CDH2: variants seen among roughly 807,000 people sequenced by gnomAD.
CDH2 encodes the protein cadherin-2.
In CDH2, 17 loss-of-function variants were observed where a neutral mutation model predicts 92.0. The ratio of observed to expected loss-of-function variants is 0.18; its 90% CI spans 0.13 to 0.28. The LOEUF (loss-of-function observed/expected upper bound fraction) is 0.28. Ranked by LOEUF, CDH2 falls within the 10% of genes least tolerant of loss-of-function variation. The probability of loss-of-function intolerance (pLI) is 1.00; values close to 1 mark genes in which losing one functional copy is unlikely to be tolerated. For synonymous variants in CDH2, 419 were observed against 415.9 expected (o/e 1.01, Z -0.09); for missense variants, 862 against 1,133.1 (o/e 0.76, Z 3.44).
chr18:28,023,250 A>G (rs1159381400), intron 2 of CDH2, among the ~76,000 whole-genome samples: 1 of 152,200 alleles, frequency 6.6e-6, no homozygotes, highest in Non-Finnish European at 1.5e-5. Flanking sequence ...TGATGTTTAC[A>G]CCTTCATATC....
intron 15 of CDH2, among the ~76,000 whole-genome samples, chr18:27,952,943 T>C (rs945673399): frequency 2.0e-5 from 3 of 152,098 alleles, no homozygotes; most frequent in Admixed American, 2.0e-4. Context: ...AAAGAGAAAG[T>C]AGCATTGTAT....
chr18:27,984,936 T>TGAC, intron 13 of CDH2, 64 bp downstream of exon 13: 1 of 1,311,326 alleles, frequency 7.6e-7, no homozygotes, highest in Non-Finnish European at 1.1e-6. Context: ...TAGCAACACA[T>TGAC]GACTTTGCTG....
At chr18:27,987,555 CCTG>C (rs1258924145) in intron 11 of CDH2, among the ~76,000 whole-genome samples, 2 of 152,062 alleles carry the variant, frequency 1.3e-5, no homozygotes, top group South Asian at 2.1e-4. Context: ...CAAATTGAAG[CCTG>C]CTATTTTTTA....
chr18:28,054,736 T>C (rs1362232368), intron 2 of CDH2, among the ~76,000 whole-genome samples: 1 of 152,228 alleles, frequency 6.6e-6, no homozygotes, highest in South Asian at 2.1e-4. Flanking sequence ...ATTAGCACTC[T>C]GTTTGTTTTT....
chr18:28,147,505 T>A (rs150003846), intron 2 of CDH2, among the ~76,000 whole-genome samples, 168 bp downstream of exon 2: 1 of 152,254 alleles, frequency 6.6e-6, no homozygotes, highest in Non-Finnish European at 1.5e-5. Flanking sequence ...ATATAAGAGA[T>A]TCATAAGCTC....
At chr18:27,966,332 T>C (rs1459602490) in intron 14 of CDH2, among the ~76,000 whole-genome samples, 1 of 152,204 alleles carries the variant, frequency 6.6e-6, no homozygotes, top group African/African-American at 2.4e-5. Flanking sequence ...TTGATACTCC[T>C]GGATATATTA....
intron 14 of CDH2, among the ~76,000 whole-genome samples, chr18:27,970,970 GCTTAC>G (rs1345229187): frequency 6.6e-6 from 1 of 152,188 alleles, no homozygotes; most frequent in East Asian, 1.9e-4. Context: ...GGGCGCGGTG[GCTTAC>G]GCCTGTAATC....
intron 11 of CDH2, among the ~76,000 whole-genome samples, chr18:27,986,702 TA>T (rs1296878727): frequency 3.9e-5 from 6 of 152,076 alleles, no homozygotes; most frequent in Admixed American, 3.9e-4. Flanking sequence ...GGGGAGGGAA[TA>T]AGGAGGAATG....
intron 8 of CDH2, 112 bp from the exon 9 acceptor site, chr18:27,992,952 C>T: frequency 1.5e-6 from 1 of 645,396 alleles, no homozygotes; most frequent in South Asian, 2.5e-5. Flanking sequence ...TTATTATCTA[C>T]ACTAAATGAG....
At chr18:28,163,012 G>T (rs994207281) in intron 1 of CDH2, among the ~76,000 whole-genome samples, 1 of 152,166 alleles carries the variant, frequency 6.6e-6, no homozygotes, top group Non-Finnish European at 1.5e-5. Context: ...GACTGAAAAT[G>T]TTAGGTGAAG....
chr18:28,108,190 C>G (rs2015353925), intron 2 of CDH2, among the ~76,000 whole-genome samples: 1 of 152,076 alleles, frequency 6.6e-6, no homozygotes, highest in South Asian at 2.1e-4. Flanking sequence ...ATGGAAACCC[C>G]TGGGAAGATA....
chr18:28,114,502 T>A (rs2015463882), intron 2 of CDH2, among the ~76,000 whole-genome samples: 1 of 152,166 alleles, frequency 6.6e-6, no homozygotes, highest in Non-Finnish European at 1.5e-5. Flanking sequence ...TTCAATATTT[T>A]ATATCTGGAT....
chr18:28,124,624 T>C (rs1283147024), intron 2 of CDH2, among the ~76,000 whole-genome samples: 3 of 152,194 alleles, frequency 2.0e-5, no homozygotes, highest in Non-Finnish European at 2.9e-5. Flanking sequence ...CTTCGATATC[T>C]TGGTATTTAA....
At position 28,036,355 on chromosome 18, in the gene CDH2, C is replaced by A. The variant is rs1341754250; in HGVS notation, c.173-22446G>T. On this transcript the variant is annotated intron_variant, in intron 2 of 15. Coordinates refer to ENST00000269141, the MANE Select transcript of CDH2 (RefSeq NM_001792.5). ...CAGAAATTCACATAAGCATTAAATT[C>A]CTTGTTTAAAATATAAAATGTACTT... The A allele has an allele frequency of 5.9e-6, 4 of 675,622 alleles. No homozygotes were observed. The African/African-American group carries it at 7.3e-5, about 12-fold the overall frequency. The allele number at this position is 675,622 out of a possible 1,614,324, so 41.9% of individuals were successfully genotyped here. A position where few individuals can be genotyped will look rare whatever the true frequency, so the allele number is the denominator to read the frequency against.
At chr18:28,006,737 A>AAAAG (rs1410848079) in intron 5 of CDH2, among the ~76,000 whole-genome samples, 13 of 147,356 alleles carry the variant, frequency 8.8e-5, no homozygotes, top group African/African-American at 3.0e-4. Flanking sequence ...AAAAAAAAAA[A>AAAAG]GAAGTGGAAG....
At chr18:28,030,127 A>C (rs151005738) in intron 2 of CDH2, among the ~76,000 whole-genome samples, 1 of 152,230 alleles carries the variant, frequency 6.6e-6, no homozygotes, top group East Asian at 1.9e-4. Flanking sequence ...CCTTTGCCTA[A>C]AAGCCCTGGC....
At chr18:28,136,431 C>T (rs945909984) in intron 2 of CDH2, among the ~76,000 whole-genome samples, 3 of 149,850 alleles carry the variant, frequency 2.0e-5, no homozygotes, top group African/African-American at 7.4e-5. Context: ...GAATCTTCGT[C>T]GCAATTTGTC....
intron 1 of CDH2, among the ~76,000 whole-genome samples, chr18:28,168,923 C>T (rs1023993328): frequency 6.6e-6 from 1 of 152,022 alleles, no homozygotes; most frequent in East Asian, 1.9e-4. Context: ...GGGAGAAACC[C>T]GTATGCTTTG....
intron 15 of CDH2, among the ~76,000 whole-genome samples, chr18:27,955,275 GT>G (rs2143860978): frequency 6.6e-6 from 1 of 151,566 alleles, no homozygotes; most frequent in Non-Finnish European, 1.5e-5. Flanking sequence ...TAGATGATGG[GT>G]TGATGGATGC....
Sources: allele counts gnomAD v4.1 joint callset (sites outside exome capture counted in the v4.1 genomes callset), GRCh38; gene constraint gnomAD v4.1.1; transcripts MANE v1.5; gene names NCBI Gene and HGNC (gene_info 2026-07-23, HGNC 2026-07-21).